PPP1R9A: variants seen among roughly 807,000 people sequenced by gnomAD.
PPP1R9A encodes the protein protein phosphatase 1 regulatory subunit 9A, also known as neurabin-1.
In PPP1R9A, 59 loss-of-function variants were observed where a neutral mutation model predicts 141.9. That is an observed-to-expected ratio of 0.42 (90% CI 0.34 to 0.52). The LOEUF is 0.52. Among genes scored for constraint, PPP1R9A ranks in the 20% least tolerant of loss-of-function variants. The probability of loss-of-function intolerance (pLI) is 0.10; values close to 1 mark genes in which losing one functional copy is unlikely to be tolerated. For synonymous variants in PPP1R9A, 500 were observed against 569.7 expected, an observed-to-expected ratio of 0.88 and a Z score of 1.74; for missense variants, 1,444 against 1,611.9, an observed-to-expected ratio of 0.90 and a Z score of 1.78.
At chr7:94,938,475 G>A (rs755610969) in intron 2 of PPP1R9A, among the ~76,000 whole-genome samples, 7 of 151,790 alleles carry the variant, frequency 4.6e-5, no homozygotes, top group Non-Finnish European at 7.4e-5. Flanking sequence ...TTCTTAGTAT[G>A]AGTATGTTGA....
At chr7:94,930,325 A>G (rs1026325494) in intron 2 of PPP1R9A, among the ~76,000 whole-genome samples, 1 of 152,156 alleles carries the variant, frequency 6.6e-6, no homozygotes, top group Non-Finnish European at 1.5e-5. Context: ...TAAGAAGCAT[A>G]AAGGTTGCTA....
chr7:95,068,844 G>A (rs1353999927), intron 2 of PPP1R9A, among the ~76,000 whole-genome samples: 1 of 152,168 alleles, frequency 6.6e-6, no homozygotes, highest in Non-Finnish European at 1.5e-5. Flanking sequence ...ACCACCCAAT[G>A]AGTTCACCTT....
intron 2 of PPP1R9A, among the ~76,000 whole-genome samples, chr7:95,008,554 G>A (rs1235776204): frequency 6.6e-6 from 1 of 152,100 alleles, no homozygotes; most frequent in Admixed American, 6.5e-5. Flanking sequence ...CAGGTTTGTT[G>A]GACATTCTTT....
chr7:95,083,897 C>T (rs1376073421), intron 2 of PPP1R9A, among the ~76,000 whole-genome samples: 1 of 151,980 alleles, frequency 6.6e-6, no homozygotes, highest in Non-Finnish European at 1.5e-5. Context: ...ATGAAAACTA[C>T]ACCAAGTTGC....
chr7:95,207,664 T>G (rs1305950497), intron 7 of PPP1R9A, among the ~76,000 whole-genome samples: 1 of 152,126 alleles, frequency 6.6e-6, no homozygotes, highest in Non-Finnish European at 1.5e-5. Context: ...ATTAAAGAAA[T>G]AAATTGTAAA....
At chr7:95,125,171 A>G (rs1379637227) in intron 4 of PPP1R9A, among the ~76,000 whole-genome samples, 1 of 152,066 alleles carries the variant, frequency 6.6e-6, no homozygotes, top group Non-Finnish European at 1.5e-5. Context: ...TTTAGAGGCG[A>G]GGTCTCACTG....
At chr7:94,947,525 A>G (rs1796025113) in intron 2 of PPP1R9A, among the ~76,000 whole-genome samples, 1 of 152,110 alleles carries the variant, frequency 6.6e-6, no homozygotes, top group African/African-American at 2.4e-5. Context: ...TCAAACACAG[A>G]AAGTGGGTTC....
At chr7:95,114,181 A>C (rs1821064526) in intron 3 of PPP1R9A, among the ~76,000 whole-genome samples, 1 of 152,196 alleles carries the variant, frequency 6.6e-6, no homozygotes, top group Non-Finnish European at 1.5e-5. Context: ...ATTACTCAGC[A>C]GCGAAAATGG....
chr7:94,986,754 TAAAA>T (rs762515892), intron 2 of PPP1R9A, among the ~76,000 whole-genome samples: 9 of 152,210 alleles, frequency 5.9e-5, no homozygotes, highest in Non-Finnish European at 1.2e-4. Context: ...ATGTGTCAAT[TAAAA>T]AGAAAAGGGA....
At chr7:94,942,925 T>G (rs1171693769) in intron 2 of PPP1R9A, among the ~76,000 whole-genome samples, 2 of 152,086 alleles carry the variant, frequency 1.3e-5, no homozygotes, top group Admixed American at 6.6e-5. Flanking sequence ...ACAAACTGGT[T>G]TAAAATCATG....
At chr7:95,063,850 A>G (rs548169444) in intron 2 of PPP1R9A, among the ~76,000 whole-genome samples, 2 of 152,336 alleles carry the variant, frequency 1.3e-5, no homozygotes, top group Non-Finnish European at 2.9e-5. Context: ...AACATAAATT[A>G]TAGTCTTATT....
chr7:95,072,982 A>ATAT lies in PPP1R9A; in HGVS notation c.1396-38260_1396-38258dup, dbSNP rs111569228. On this transcript the variant is annotated intron_variant, in intron 2 of 19. Coordinates refer to ENST00000433360, the MANE Select transcript of PPP1R9A (RefSeq NM_001166160.2). ...ATATGTTATATATAATATAATAATAATATTATTATTATTATTATTTTGAGA... is the reference window on the plus strand; with the variant it reads ...ATATGTTATATATAATATAATAATAATATTATTATTATTATTATTATTTTGAGA... Among the ~76,000 whole-genome samples the ATAT allele has an allele frequency of 1.8e-3, 233 of 131,716 alleles. 1 individual carries two copies. Among genetic ancestry groups the ATAT allele is most frequent in the Middle Eastern group, 3.7e-3 (1 of 272 alleles). 86.4% of individuals were successfully genotyped at this position (131,716 alleles called of 152,430 possible).
At chr7:95,193,555 A>G (rs1835820080) in intron 5 of PPP1R9A, among the ~76,000 whole-genome samples, 1 of 152,014 alleles carries the variant, frequency 6.6e-6, no homozygotes. Context: ...TTATAAATGC[A>G]TTTATTCTTT....
chr7:95,068,688 A>G (rs536257318), intron 2 of PPP1R9A, among the ~76,000 whole-genome samples: 2 of 151,744 alleles, frequency 1.3e-5, no homozygotes, highest in South Asian at 4.2e-4. Flanking sequence ...CCACCCTTCA[A>G]AAATTGAGCT....
intron 2 of PPP1R9A, among the ~76,000 whole-genome samples, chr7:95,049,624 A>G (rs1038342448): frequency 2.0e-5 from 3 of 152,068 alleles, no homozygotes; most frequent in Non-Finnish European, 4.4e-5. Flanking sequence ...AATGACATAT[A>G]TCCACATCAT....
intron 2 of PPP1R9A, among the ~76,000 whole-genome samples, chr7:95,088,887 C>T (rs750101351): frequency 1.3e-4 from 20 of 151,986 alleles, no homozygotes; most frequent in Admixed American, 2.0e-4. Context: ...TAATTTGCTA[C>T]TCTCAAATAG....
chr7:94,999,177 G>C (rs1360149068), intron 2 of PPP1R9A, among the ~76,000 whole-genome samples: 1 of 152,182 alleles, frequency 6.6e-6, no homozygotes, highest in East Asian at 1.9e-4. Flanking sequence ...CATGGATTGT[G>C]ACTTTGAATT....
intron 2 of PPP1R9A, among the ~76,000 whole-genome samples, chr7:95,076,100 A>G (rs1248584946): frequency 6.6e-6 from 1 of 152,022 alleles, no homozygotes; most frequent in East Asian, 1.9e-4. Context: ...ATCGGGTCTC[A>G]CTCTGTTGCC....
intron 18 of PPP1R9A, chr7:95,287,034 T>C: frequency 6.8e-7 from 1 of 1,462,706 alleles, no homozygotes; most frequent in Non-Finnish European, 9.6e-7. Flanking sequence ...TTTATTAAAA[T>C]TATGTACTAT....
Sources: gnomAD v4.1 joint callset for allele counts (sites outside exome capture counted in the v4.1 genomes callset) on GRCh38, gnomAD v4.1.1 for gene constraint, MANE v1.5 for transcripts, NCBI Gene and HGNC (gene_info 2026-07-23, HGNC 2026-07-21) for gene names.